ZNRF3: variants seen among roughly 807,000 people sequenced by gnomAD.
The protein encoded by ZNRF3 is zinc and ring finger 3, also known as E3 ubiquitin-protein ligase ZNRF3.
ZNRF3 carries 23 observed loss-of-function variants against 72.5 expected under a neutral mutation model. That is an observed-to-expected ratio of 0.32 (90% CI 0.23 to 0.45). The LOEUF is 0.45. Ranked by LOEUF, ZNRF3 falls within the 20% of genes least tolerant of loss-of-function variation. The probability of loss-of-function intolerance (pLI) is 1.00; values close to 1 mark genes in which losing one functional copy is unlikely to be tolerated. For missense variants in ZNRF3, 1,169 were observed against 1,272.1 expected, an observed-to-expected ratio of 0.92 and a Z score of 1.23; for synonymous variants, 610 against 545.3, an observed-to-expected ratio of 1.12 and a Z score of -1.65.
intron 1 of ZNRF3, among the ~76,000 whole-genome samples, chr22:28,980,265 T>C (rs1403630793): frequency 6.6e-6 from 1 of 152,158 alleles, no homozygotes; most frequent in Non-Finnish European, 1.5e-5. Flanking sequence ...AATTACTTAA[T>C]GGGTACCATT....
intron 1 of ZNRF3, among the ~76,000 whole-genome samples, chr22:28,939,332 A>G (rs558346011): frequency 6.6e-6 from 1 of 151,738 alleles, no homozygotes; most frequent in African/African-American, 2.4e-5. Flanking sequence ...TATGTTTGTT[A>G]GGGTTAAGAT....
At chr22:29,031,836 G>A (rs1040271112) in intron 2 of ZNRF3, among the ~76,000 whole-genome samples, 7 of 152,174 alleles carry the variant, frequency 4.6e-5, no homozygotes, top group African/African-American at 7.2e-5. Flanking sequence ...GCCTGGTGGC[G>A]GCAACAGAAA....
At chr22:28,988,940 A>C (rs1444618548) in intron 2 of ZNRF3, among the ~76,000 whole-genome samples, 3 of 152,160 alleles carry the variant, frequency 2.0e-5, no homozygotes, top group Admixed American at 6.5e-5. Context: ...GAAGTCACTC[A>C]GAGAACCCAA....
chr22:28,953,227 C>T (rs2035197360), intron 1 of ZNRF3, among the ~76,000 whole-genome samples: 1 of 152,136 alleles, frequency 6.6e-6, no homozygotes, highest in Non-Finnish European at 1.5e-5. Flanking sequence ...TTCTTGGGTG[C>T]ATTAATATGG....
chr22:28,901,932 C>CTTTTT (rs398036773), intron 1 of ZNRF3, among the ~76,000 whole-genome samples: 1 of 112,978 alleles, frequency 8.9e-6, no homozygotes, highest in Non-Finnish European at 1.8e-5. Flanking sequence ...TTTAAGTTAA[C>CTTTTT]TTTTTTTTTT....
chr22:28,974,837 G>C (rs1490012684), intron 1 of ZNRF3, among the ~76,000 whole-genome samples: 1 of 152,042 alleles, frequency 6.6e-6, no homozygotes, highest in African/African-American at 2.4e-5. Flanking sequence ...GGGTCTCACT[G>C]TGTTGCCCAG....
At chr22:29,020,274 C>CT (rs1258877165) in intron 2 of ZNRF3, among the ~76,000 whole-genome samples, 10 of 45,140 alleles carry the variant, frequency 2.2e-4, no homozygotes, top group Non-Finnish European at 4.5e-4. Flanking sequence ...TTTTTTTTTT[C>CT]CCCCAAGACA....
At chr22:29,037,267 G>A (rs1018727469) in intron 2 of ZNRF3, among the ~76,000 whole-genome samples, 1 of 152,184 alleles carries the variant, frequency 6.6e-6, no homozygotes, top group Non-Finnish European at 1.5e-5. Flanking sequence ...ACACACTGGG[G>A]AGAATGCCAG....
Position 29,044,566 on chromosome 22 carries a change from G to A in ZNRF3, c.634-214G>A, listed in dbSNP as rs1308358479. ...GCTCTTGGGGGGCCTGGCTGAGATC[G>A]CCACAGGCGTCCCCCTGGGCCACAC... On this transcript the variant is annotated intron_variant, in intron 4 of 8. Transcript: ENST00000544604. Among the ~76,000 whole-genome samples the A allele has an allele frequency of 2.0e-5, 3 of 152,302 alleles. 1 individual carries two copies. The highest frequency in any genetic ancestry group is 4.8e-5 in the African/African-American group (2 of 41,578).
chr22:28,957,028 A>C (rs1036424554), intron 1 of ZNRF3, among the ~76,000 whole-genome samples: 1 of 152,234 alleles, frequency 6.6e-6, no homozygotes, highest in African/African-American at 2.4e-5. Context: ...TAACGTGCCT[A>C]TTGTGCAGAA....
At chr22:29,036,516 CA>C (rs1400148864) in intron 2 of ZNRF3, among the ~76,000 whole-genome samples, 1 of 152,232 alleles carries the variant, frequency 6.6e-6, no homozygotes, top group Non-Finnish European at 1.5e-5. Context: ...AGCTCATCAA[CA>C]GACCGCCTAA....
At chr22:28,975,739 GA>G (rs991984744) in intron 1 of ZNRF3, among the ~76,000 whole-genome samples, 92 of 149,402 alleles carry the variant, frequency 6.2e-4, no homozygotes, top group Non-Finnish European at 8.2e-4. Context: ...TCTGTCTCAA[GA>G]AAAAAAAAAT....
intron 2 of ZNRF3, among the ~76,000 whole-genome samples, chr22:28,997,723 A>G (rs2036068446): frequency 6.6e-6 from 1 of 152,108 alleles, no homozygotes; most frequent in South Asian, 2.1e-4. Flanking sequence ...TAAAAAAAGA[A>G]TAAAGTGGCT....
chr22:28,956,191 CTAG>C (rs1216332791), intron 1 of ZNRF3, among the ~76,000 whole-genome samples: 1 of 151,896 alleles, frequency 6.6e-6, no homozygotes, highest in African/African-American at 2.4e-5. Context: ...TGGGAGTAGG[CTAG>C]TAATGTGATG....
chr22:28,951,319 G>A (rs1465129116), intron 1 of ZNRF3, among the ~76,000 whole-genome samples: 1 of 152,090 alleles, frequency 6.6e-6, no homozygotes, highest in African/African-American at 2.4e-5. Flanking sequence ...AGGTAATCAA[G>A]TTCAATTAAG....
At chr22:28,951,643 T>TTC (rs2123795311) in intron 1 of ZNRF3, among the ~76,000 whole-genome samples, 1 of 152,294 alleles carries the variant, frequency 6.6e-6, no homozygotes, top group African/African-American at 2.4e-5. Context: ...AAGGCAGCCC[T>TTC]GGGAAATGAA....
At chr22:29,011,156 T>C (rs981884688) in intron 2 of ZNRF3, among the ~76,000 whole-genome samples, 5 of 152,260 alleles carry the variant, frequency 3.3e-5, no homozygotes, top group Admixed American at 2.6e-4. Context: ...AATTTACTGT[T>C]GCCCTAAGAA....
intron 1 of ZNRF3, among the ~76,000 whole-genome samples, chr22:28,983,197 G>A (rs1024845823): frequency 6.6e-6 from 1 of 152,144 alleles, no homozygotes; most frequent in Admixed American, 6.5e-5. Flanking sequence ...GCTGCTAACA[G>A]TCACCCATCC....
intron 2 of ZNRF3, among the ~76,000 whole-genome samples, chr22:28,999,702 TG>T (rs1191300760): frequency 6.6e-6 from 1 of 152,218 alleles, no homozygotes; most frequent in Non-Finnish European, 1.5e-5. Flanking sequence ...TGCAGGTTGC[TG>T]GGGCTACCAT....
Sources: gnomAD v4.1 joint callset for allele counts (sites outside exome capture counted in the v4.1 genomes callset) on GRCh38, gnomAD v4.1.1 for gene constraint, MANE v1.5 for transcripts, NCBI Gene and HGNC (gene_info 2026-07-23, HGNC 2026-07-21) for gene names.